The following EBAG9 variants were observed in gnomAD, a reference collection of about 807,000 sequenced individuals.
EBAG9 encodes estrogen receptor binding site associated antigen 9.
A neutral mutation model predicts 30.9 loss-of-function variants in EBAG9; 16 were observed. The observed-to-expected ratio is 0.52, with a 90% CI of 0.35 to 0.79. The LOEUF is 0.79. EBAG9 is among the 30% of genes least tolerant of loss of function. The pLI, the probability that EBAG9 is intolerant of heterozygous loss-of-function variation, is 0.01. For missense variants in EBAG9, 197 were observed against 242.1 expected (o/e 0.81, Z 1.24); for synonymous variants, 93 against 82.8 (o/e 1.12, Z -0.67).
At chr8:109,562,888 G>A (rs1177596259) in intron 6 of EBAG9, among the ~76,000 whole-genome samples, 2 of 151,858 alleles carry the variant, frequency 1.3e-5, no homozygotes, top group Non-Finnish European at 2.9e-5. Flanking sequence ...TCAGATTTTG[G>A]AGCATTTCAG....
At chr8:109,551,863 T>C (rs1351728455) in intron 2 of EBAG9, among the ~76,000 whole-genome samples, 2 of 152,192 alleles carry the variant, frequency 1.3e-5, no homozygotes, top group Non-Finnish European at 2.9e-5. Flanking sequence ...ATTGTGGTTA[T>C]TTAAGAATAA....
Position 109,553,879 on chromosome 8 carries a change from G to T in EBAG9, c.98G>T (p.Arg33Leu). The change falls in exon 3 of 7, where the codon CGG becomes CTG. Residue 33 changes from arginine to leucine, a missense_variant. By Grantham distance (102) the Arg-to-Leu change is moderately radical. Coordinates refer to ENST00000337573, the MANE Select transcript of EBAG9 (RefSeq NM_004215.5). ...TTTTGTTTCAGATCTGGCAGAGGAC[G>T]GAAATTAAGTGGAGACCAAATAACT... is the stretch of plus-strand genomic sequence containing the variant. The part of the protein sequence containing the change: ...KRLICRSGRG[R>L]KLSGDQITLP... The T allele has an allele frequency of 6.2e-7, 1 of 1,606,746 alleles. No homozygotes were observed. The highest frequency in any genetic ancestry group is 8.5e-7 in the Non-Finnish European group (1 of 1,177,756).
chr8:109,547,765 C>T (rs1226801638), intron 1 of EBAG9, among the ~76,000 whole-genome samples: 13 of 152,158 alleles, frequency 8.5e-5, no homozygotes, highest in Non-Finnish European at 4.4e-5. Flanking sequence ...CAGGTGTGAG[C>T]CACCACGCCT....
At chr8:109,553,983 T>C (rs1821546481) in intron 3 of EBAG9, 40 bp downstream of exon 3, 1 of 1,457,474 alleles carries the variant, frequency 6.9e-7, no homozygotes, top group Non-Finnish European at 9.4e-7. Flanking sequence ...TGTTTTGTTT[T>C]GAAAGATTGA....
intron 1 of EBAG9, among the ~76,000 whole-genome samples, chr8:109,544,756 C>G (rs928223301): frequency 6.6e-6 from 1 of 152,176 alleles, no homozygotes; most frequent in Non-Finnish European, 1.5e-5. Context: ...TTCTACCTCT[C>G]AACAGTGGAA....
In EBAG9 at chr8:109,553,957, G is replaced by T. The variant is rs761545199; in HGVS notation, c.162+14G>T. 6.4e-7 allele frequency: 1 copy of T among 1,573,530 alleles called. No homozygotes were observed. Among genetic ancestry groups the T allele is most frequent in the South Asian group, 1.2e-5 (1 of 82,930 alleles). On this transcript the variant is annotated intron_variant, in intron 3 of 6. Coordinates refer to ENST00000337573, the MANE Select transcript of EBAG9 (RefSeq NM_004215.5). ...GTTCCTAAGCAGGTAGGTTTTTTTT[G>T]TGTGTTCTTTTGTTTTGTTTTGTTT...
chr8:109,546,589 A>T (rs766807346), intron 1 of EBAG9, among the ~76,000 whole-genome samples: 1 of 152,232 alleles, frequency 6.6e-6, no homozygotes, highest in Non-Finnish European at 1.5e-5. Context: ...CTGCAGCCCA[A>T]TGCAAATTAG....
chr8:109,547,641 C>T (rs776535794), intron 1 of EBAG9, among the ~76,000 whole-genome samples: 5 of 151,936 alleles, frequency 3.3e-5, no homozygotes, highest in African/African-American at 4.8e-5. Context: ...CGACCATGCC[C>T]GGCTAATTTT....
chr8:109,546,212 A>G (rs1402554000), intron 1 of EBAG9, among the ~76,000 whole-genome samples: 1 of 152,260 alleles, frequency 6.6e-6, no homozygotes, highest in African/African-American at 2.4e-5. Flanking sequence ...TAACCAGAAT[A>G]TGAACACTGT....
chr8:109,560,432 AGT>A (rs2131131215), intron 5 of EBAG9, among the ~76,000 whole-genome samples: 1 of 152,338 alleles, frequency 6.6e-6, no homozygotes, highest in South Asian at 2.1e-4. Context: ...AGCACAGATT[AGT>A]CCAGTCAAGG....
rs377527283 is a variant in EBAG9, at chr8:109,551,738, G to A, written c.83+831G>A. Among the ~76,000 whole-genome samples, 33 of 152,180 alleles carry A rather than the reference G, an allele frequency of 2.2e-4. 1 individual carries two copies. In the South Asian group the frequency reaches 6.0e-3, roughly 28 times the overall value. On this transcript the variant is annotated intron_variant, in intron 2 of 6. Transcript: ENST00000337573. ...TAGGTTGTAATTAAAAGCGAGTACTGCACCAAAATTAATGTAGAACTGAAA... is the reference window on the plus strand; with the variant it reads ...TAGGTTGTAATTAAAAGCGAGTACTACACCAAAATTAATGTAGAACTGAAA...
intron 4 of EBAG9, among the ~76,000 whole-genome samples, chr8:109,555,247 C>A (rs147910773): frequency 6.6e-6 from 1 of 151,464 alleles, no homozygotes; most frequent in African/African-American, 2.4e-5. Flanking sequence ...GGTTTTTTGT[C>A]CTTGCGATAG....
intron 1 of EBAG9, among the ~76,000 whole-genome samples, chr8:109,543,847 A>G (rs1203037869): frequency 3.9e-5 from 6 of 152,058 alleles, no homozygotes; most frequent in Non-Finnish European, 8.8e-5. Flanking sequence ...CCTAGCCAAC[A>G]TGGCGAAACC....
chr8:109,554,647 G>A, intron 3 of EBAG9, 82 bp from the exon 4 acceptor site: 1 of 1,391,500 alleles, frequency 7.2e-7, no homozygotes, highest in Non-Finnish European at 9.8e-7. Context: ...GTTTTAGAAA[G>A]CCCATTTTTC....
intron 1 of EBAG9, among the ~76,000 whole-genome samples, chr8:109,545,272 A>C (rs1436474442): frequency 7.4e-6 from 1 of 136,028 alleles, no homozygotes; most frequent in African/African-American, 2.8e-5. Flanking sequence ...CGGTGAGCTG[A>C]GATTGCACCA....
At chr8:109,558,391 A>G (rs1286952501) in intron 5 of EBAG9, among the ~76,000 whole-genome samples, 1 of 152,202 alleles carries the variant, frequency 6.6e-6, no homozygotes, top group African/African-American at 2.4e-5. Flanking sequence ...TGCTATGAAC[A>G]CATAACACCA....
intron 2 of EBAG9, among the ~76,000 whole-genome samples, chr8:109,551,487 T>C (rs1439476540): frequency 1.3e-5 from 2 of 152,178 alleles, no homozygotes; most frequent in South Asian, 2.1e-4. Flanking sequence ...AAATGTGTGC[T>C]GAGGCACCTC....
At chr8:109,547,341 A>G (rs2131104553) in intron 1 of EBAG9, among the ~76,000 whole-genome samples, 1 of 152,302 alleles carries the variant, frequency 6.6e-6, no homozygotes, top group South Asian at 2.1e-4. Flanking sequence ...AATCCTCACC[A>G]GTACTTGCTA....
Position 109,540,295 on chromosome 8 carries a change from C to T in EBAG9, c.-182C>T, listed in dbSNP as rs1215623225. 1 of 152,414 alleles carries T rather than the reference C, an allele frequency of 6.6e-6. No individual in the cohort carries two copies. Among genetic ancestry groups the T allele is most frequent in the African/African-American group, 2.4e-5 (1 of 41,466 alleles). 9.4% of individuals were successfully genotyped at this position (152,414 alleles called of 1,614,324 possible). A position where few individuals can be genotyped will look rare whatever the true frequency, so the allele number is the denominator to read the frequency against. Reference sequence around the variant, plus strand: ...GGGAAATTTGCGTGACCTTACTGCCCTCCGTCTACAGGCCTTGTACCTCTC... The same window carrying T: ...GGGAAATTTGCGTGACCTTACTGCCTTCCGTCTACAGGCCTTGTACCTCTC... On this transcript the variant is annotated 5_prime_UTR_variant, in exon 1 of 7. Coordinates refer to ENST00000337573, the MANE Select transcript of EBAG9 (RefSeq NM_004215.5).
Sources: gnomAD v4.1 joint callset for allele counts (sites outside exome capture counted in the v4.1 genomes callset) on GRCh38, gnomAD v4.1.1 for gene constraint, MANE v1.5 for transcripts, NCBI Gene and HGNC (gene_info 2026-07-23, HGNC 2026-07-21) for gene names.